Variants in TEX9 observed in about 807,000 individuals in gnomAD.
The protein encoded by TEX9 is testis-expressed protein 9.
TEX9 carries 74 observed loss-of-function variants against 59.6 expected under a neutral mutation model. The observed-to-expected ratio is 1.24, with a 90% CI of 1.03 to 1.51. The LOEUF is 1.51. Ranked by LOEUF, TEX9 falls within the 40% of genes most tolerant of loss-of-function variation. The pLI is 0.00. For synonymous variants in TEX9, 186 were observed against 152.2 expected (o/e 1.22, Z -1.64); for missense variants, 522 against 447.8 (o/e 1.17, Z -1.49).
chr15:56,260,414 G>A (rs1356420248), intron 1 of TEX9, among the ~76,000 whole-genome samples: 1 of 152,014 alleles, frequency 6.6e-6, no homozygotes, highest in African/African-American at 2.4e-5. Context: ...TTTCAAATTT[G>A]CTGAGAAGTT....
Position 56,428,456 on chromosome 15 carries a change from C to CAGTT in TEX9, c.*16_*19dup, listed in dbSNP as rs564262961. The stretch of plus-strand genomic sequence containing the variant: ...GGGGAAATTCATAAGTGATCTACTT[C>CAGTT]AGTTAGTCTCTATGACAGTATGTGA... On this transcript the variant is annotated 3_prime_UTR_variant, in exon 12 of 13. Transcript: ENST00000352903. 767 of 1,590,076 alleles carry CAGTT rather than the reference C, an allele frequency of 4.8e-4. 5 individuals are homozygous for CAGTT. The African/African-American group carries it at 9.2e-3, about 19-fold the overall frequency.
At chr15:56,310,749 A>C (rs2045592265) in intron 1 of TEX9, among the ~76,000 whole-genome samples, 1 of 152,228 alleles carries the variant, frequency 6.6e-6, no homozygotes, top group African/African-American at 2.4e-5. Context: ...AAGGGAAAGC[A>C]GAGAAAAAGA....
At chr15:56,334,795 C>T (rs2046227890) in intron 1 of TEX9, among the ~76,000 whole-genome samples, 1 of 152,140 alleles carries the variant, frequency 6.6e-6, no homozygotes, top group Non-Finnish European at 1.5e-5. Flanking sequence ...GGAGCTCAAA[C>T]AACTCCATAG....
At chr15:56,302,172 C>T (rs1366562516) in intron 1 of TEX9, among the ~76,000 whole-genome samples, 1 of 151,982 alleles carries the variant, frequency 6.6e-6, no homozygotes, top group Non-Finnish European at 1.5e-5. Flanking sequence ...ATTTCCAAGC[C>T]GCATGGTAAC....
rs1002837663 is a variant in TEX9, at chr15:56,326,733, A to G, written c.-106-46708A>G. ...AACGCTGGGAGATGCTGCAAAATAAATACCTCAGAATTACGCTATCTCAGT... is the reference window on the plus strand; with the variant it reads ...AACGCTGGGAGATGCTGCAAAATAAGTACCTCAGAATTACGCTATCTCAGT... On this transcript the variant is annotated intron_variant, in intron 1 of 5. Coordinates refer to the TEX9 transcript ENST00000560827. 2.0e-5 allele frequency among the ~76,000 whole-genome samples: 3 copies of G among 152,332 alleles called. 1 individual carries two copies. The South Asian group carries it at 6.2e-4, about 32-fold the overall frequency.
intron 7 of TEX9, among the ~76,000 whole-genome samples, chr15:56,392,019 A>T (rs1336886056): frequency 3.9e-5 from 6 of 151,950 alleles, no homozygotes; most frequent in African/African-American, 1.5e-4. Context: ...CTCCTATGCT[A>T]TTGAAACAAA....
intron 1 of TEX9, among the ~76,000 whole-genome samples, chr15:56,290,456 C>A (rs1035182548): frequency 2.6e-5 from 4 of 151,950 alleles, no homozygotes; most frequent in East Asian, 3.9e-4. Context: ...CCTGCCCCCC[C>A]CAGTTTTTTT....
chr15:56,309,785 A>C (rs369896874), intron 1 of TEX9, among the ~76,000 whole-genome samples: 4 of 140,690 alleles, frequency 2.8e-5, no homozygotes, highest in Non-Finnish European at 6.0e-5. Flanking sequence ...GCTGAACTAC[A>C]TTCCGATTTG....
chr15:56,402,799 T>C (rs1045974512), intron 9 of TEX9, among the ~76,000 whole-genome samples: 2 of 152,204 alleles, frequency 1.3e-5, no homozygotes, highest in Non-Finnish European at 2.9e-5. Flanking sequence ...TCAAGTCGGC[T>C]TCATCCCTGG....
chr15:56,439,350 A>G (rs1432141204), intron 12 of TEX9, among the ~76,000 whole-genome samples: 8 of 152,218 alleles, frequency 5.3e-5, no homozygotes. Flanking sequence ...TGATATTCAA[A>G]TTTAATTCAA....
At chr15:56,266,018 T>C (rs919868726) in intron 1 of TEX9, among the ~76,000 whole-genome samples, 25 of 152,342 alleles carry the variant, frequency 1.6e-4, no homozygotes, top group South Asian at 1.0e-3. Flanking sequence ...TAATACCTTT[T>C]ATTCTGTCAG....
intron 1 of TEX9, among the ~76,000 whole-genome samples, chr15:56,297,123 T>G (rs1297177483): frequency 6.6e-6 from 1 of 152,130 alleles, no homozygotes; most frequent in Non-Finnish European, 1.5e-5. Context: ...CTGTAGAAAT[T>G]ATATAAAGAG....
chr15:56,253,595 G>T (rs1330629536), intron 1 of TEX9, among the ~76,000 whole-genome samples: 2 of 152,026 alleles, frequency 1.3e-5, no homozygotes, highest in South Asian at 4.1e-4. Context: ...CTCTCAGAAG[G>T]GTTCTCTTAG....
chr15:56,414,815 C>T lies in TEX9; in HGVS notation c.963+2379C>T, dbSNP rs185188988. Among the ~76,000 whole-genome samples the T allele has an allele frequency of 7.9e-5, 12 of 151,918 alleles. No homozygotes were observed. In the East Asian group the frequency reaches 1.7e-3, roughly 22 times the overall value. ...TGCTTTTACCTCTTTGAGGAGTCAC[C>T]GTACTGCTTTGCACAATGGTTGAAC... On this transcript the variant is annotated intron_variant, in intron 10 of 12. Transcript: ENST00000352903.
intron 9 of TEX9, among the ~76,000 whole-genome samples, chr15:56,407,251 G>C (rs2049124215): frequency 6.6e-6 from 1 of 152,092 alleles, no homozygotes; most frequent in African/African-American, 2.4e-5. Flanking sequence ...AATTGGCTGT[G>C]TTTATGTATG....
chr15:56,411,724 G>A (rs966255658), intron 9 of TEX9, among the ~76,000 whole-genome samples: 3 of 152,154 alleles, frequency 2.0e-5, no homozygotes, highest in Non-Finnish European at 4.4e-5. Context: ...TTGGCCTGTT[G>A]ACTCTCTGCA....
intron 1 of TEX9, among the ~76,000 whole-genome samples, chr15:56,311,308 A>C (rs1449921372): frequency 7.7e-5 from 8 of 103,732 alleles, no homozygotes; most frequent in Non-Finnish European, 1.3e-4. Context: ...CCCACCCCAC[A>C]ACAGTCCCCA....
intron 7 of TEX9, among the ~76,000 whole-genome samples, chr15:56,391,887 ACAAT>A (rs1441843677): frequency 6.6e-6 from 1 of 152,066 alleles, no homozygotes; most frequent in Non-Finnish European, 1.5e-5. Flanking sequence ...ATCAGGTAAA[ACAAT>A]CAAATGAGTG....
chr15:56,271,917 G>T (rs1416406665), intron 1 of TEX9, among the ~76,000 whole-genome samples: 1 of 152,156 alleles, frequency 6.6e-6, no homozygotes. Context: ...GAGGCGGGCA[G>T]ATCACGAGGT....
Sources: gnomAD v4.1 joint callset for allele counts (sites outside exome capture counted in the v4.1 genomes callset) on GRCh38, gnomAD v4.1.1 for gene constraint, MANE v1.5 for transcripts, NCBI Gene and HGNC (gene_info 2026-07-23, HGNC 2026-07-21) for gene names.